SORBS2: variants seen among roughly 807,000 people sequenced by gnomAD.
SORBS2 encodes the protein sorbin and SH3 domain-containing protein 2.
SORBS2 carries 46 observed loss-of-function variants against 97.7 expected under a neutral mutation model. The observed-to-expected ratio is 0.47, with a 90% CI of 0.37 to 0.60. The LOEUF is 0.60. Among genes scored for constraint, SORBS2 ranks in the 20% least tolerant of loss-of-function variants. The pLI is 0.00. For missense variants in SORBS2, 1,316 were observed against 1,282.3 expected, an observed-to-expected ratio of 1.03 and a Z score of -0.40; for synonymous variants, 476 against 473.4, an observed-to-expected ratio of 1.01 and a Z score of -0.07.
chr4:185,811,761 G>A (rs547225227), intron 1 of SORBS2: 2 of 152,414 alleles, frequency 1.3e-5, no homozygotes. Flanking sequence ...TTAACAGGAA[G>A]CAGGTAAACC....
Position 185,698,500 on chromosome 4 carries a change from T to A in SORBS2, c.-197-19678A>T, listed in dbSNP as rs922917765. On this transcript the variant is annotated intron_variant, in intron 2 of 20. Coordinates refer to the SORBS2 transcript ENST00000284776. ...AGAGCAAGACTCCATCTCAAAAAAA[T>A]GAAACAAAACAAAACAAAACACAAA... 3.6e-4 allele frequency among the ~76,000 whole-genome samples: 53 copies of A among 147,196 alleles called. No individual in the cohort carries two copies. The Admixed American group carries it at 3.6e-3, about 10-fold the overall frequency.
intron 1 of SORBS2, among the ~76,000 whole-genome samples, chr4:185,911,053 C>T (rs1335219210): frequency 1.3e-5 from 2 of 151,918 alleles, no homozygotes; most frequent in Non-Finnish European, 2.9e-5. Flanking sequence ...GTGTTAACAA[C>T]TTCCATTTTA....
rs765108066 is a variant in SORBS2 at position 185,937,917 on chromosome 4, AGT to A, written c.-338+18277_-338+18278del. On this transcript the variant is annotated intron_variant, in intron 1 of 20. Coordinates refer to the SORBS2 transcript ENST00000284776. ...TTCTCCTCTCTGCCCCTTCAAACTC[AGT>A]GTCATCTTTGGAAATAGCAGCTCAC... Among the ~76,000 whole-genome samples the A allele has an allele frequency of 5.3e-5, 8 of 151,934 alleles. No individual in the cohort carries two copies. The South Asian group carries it at 8.3e-4, about 16-fold the overall frequency.
intron 2 of SORBS2, among the ~76,000 whole-genome samples, chr4:185,741,404 G>GTTTTTTTTTTTTTTTTTTTTTT (rs58376567): frequency 9.0e-6 from 1 of 111,664 alleles, no homozygotes; most frequent in Non-Finnish European, 1.7e-5. Context: ...TTTTTTTTTT[G>GTTTTTTTTTTTTTTTTTTTTTT]TTTTTTTTTT....
chr4:185,871,274 A>C (rs1277352041), intron 1 of SORBS2, among the ~76,000 whole-genome samples: 3 of 152,222 alleles, frequency 2.0e-5, no homozygotes, highest in African/African-American at 7.2e-5. Flanking sequence ...CGTTTCCGAG[A>C]ATACCGAGGA....
chr4:185,623,720 C>A lies in SORBS2; in HGVS notation c.1409G>T (p.Arg470Leu), dbSNP rs747145842. The change falls in exon 7 of 15, where the codon CGG becomes CTG. Residue 470 changes from arginine (R) to leucine (L), a missense_variant. Arg to Leu is a moderately radical substitution (Grantham distance 102). Transcript: ENST00000418609. The surrounding 1 kb of genome is among the most constrained non-coding windows in gnomAD (Gnocchi z 6.4). ...GTTAGACTGGCAGCCTCGCCGGCCC[C>A]GAGCGGGGGGGCCGCTTTGATTTTC... 1.9e-6 allele frequency: 3 copies of A among 1,613,938 alleles called. No individual in the cohort carries two copies. The East Asian group carries it at 6.7e-5, about 36-fold the overall frequency.
intron 1 of SORBS2, among the ~76,000 whole-genome samples, chr4:185,829,034 C>CT (rs1365235664): frequency 6.6e-5 from 10 of 152,166 alleles, no homozygotes; most frequent in Admixed American, 1.3e-4. Context: ...TGGAACTGCG[C>CT]TTTTTTTGAA....
intron 7 of SORBS2, among the ~76,000 whole-genome samples, chr4:185,620,906 T>C (rs999060221): frequency 3.3e-5 from 5 of 152,238 alleles, no homozygotes; most frequent in Non-Finnish European, 7.4e-5. Context: ...ATTATTTTTG[T>C]TCATCTTAAA....
intron 1 of SORBS2, among the ~76,000 whole-genome samples, chr4:185,792,272 T>A (rs1398221783): frequency 2.6e-5 from 4 of 152,188 alleles, no homozygotes; most frequent in African/African-American, 9.7e-5. Context: ...GATGGGAGGA[T>A]CACCTGAGGT....
chr4:185,877,883 A>AAAAAAAAAAAAAAAAAG (rs1344109012), intron 1 of SORBS2, among the ~76,000 whole-genome samples: 1 of 145,176 alleles, frequency 6.9e-6, no homozygotes, highest in Non-Finnish European at 1.5e-5. Context: ...ACAAAAAAAA[A>AAAAAAAAAAAAAAAAAG]AAAGAAAGAA....
intron 12 of SORBS2, among the ~76,000 whole-genome samples, chr4:185,603,557 TA>T (rs543355159): frequency 1.2e-3 from 184 of 152,324 alleles, no homozygotes; most frequent in African/African-American, 4.2e-3. Flanking sequence ...TTAGCTGTAT[TA>T]GAGCCCTAAA....
intron 1 of SORBS2, among the ~76,000 whole-genome samples, chr4:185,653,852 T>C (rs1174190873): frequency 6.6e-6 from 1 of 152,228 alleles, no homozygotes; most frequent in Non-Finnish European, 1.5e-5. Flanking sequence ...GGCTTGATGA[T>C]TCTGCTTATA....
At chr4:185,877,348 G>T (rs1579291108) in intron 1 of SORBS2, among the ~76,000 whole-genome samples, 1 of 152,114 alleles carries the variant, frequency 6.6e-6, no homozygotes, top group East Asian at 1.9e-4. Context: ...GTTTAATAAG[G>T]TTGCTTTTCT....
chr4:185,787,511 A>G (rs1215487485), intron 1 of SORBS2, among the ~76,000 whole-genome samples: 1 of 152,232 alleles, frequency 6.6e-6, no homozygotes, highest in Non-Finnish European at 1.5e-5. Context: ...GGCTATTTCT[A>G]TATAGCCTCT....
intron 9 of SORBS2, among the ~76,000 whole-genome samples, chr4:185,616,802 G>T (rs2096634953): frequency 1.3e-5 from 2 of 152,158 alleles, no homozygotes; most frequent in South Asian, 4.1e-4. Flanking sequence ...AGGCTGGAGT[G>T]CAGTGGTGTG....
In SORBS2 at chr4:185,606,716, C is replaced by T; in HGVS notation, c.2796+5064G>A. Reference sequence around the variant, plus strand: ...TCTTCAATGTGCAGGTGTGGGGTGCCCTCTGACCCATCGTGGCCACACCAC... The same window carrying T: ...TCTTCAATGTGCAGGTGTGGGGTGCTCTCTGACCCATCGTGGCCACACCAC... On this transcript the variant is annotated intron_variant, in intron 12 of 14. Coordinates refer to ENST00000418609, the Ensembl canonical transcript of SORBS2. The surrounding 1 kb of genome is among the most constrained non-coding windows in gnomAD (Gnocchi z 4.3). 7.1e-6 allele frequency: 7 copies of T among 985,190 alleles called. No homozygotes were observed. The highest frequency in any genetic ancestry group is 8.4e-6 in the Non-Finnish European group (7 of 829,896). 61.0% of individuals were successfully genotyped at this position (985,190 alleles called of 1,614,324 possible).
At chr4:185,861,599 A>ATTTTTTTTT (rs57354475) in intron 1 of SORBS2, among the ~76,000 whole-genome samples, 1 of 146,200 alleles carries the variant, frequency 6.8e-6, no homozygotes. Flanking sequence ...TCTGACTTCT[A>ATTTTTTTTT]TTTTTTTTTT....
intron 1 of SORBS2, among the ~76,000 whole-genome samples, chr4:185,842,881 G>A (rs2099212424): frequency 7.1e-6 from 1 of 141,726 alleles, no homozygotes; most frequent in South Asian, 2.2e-4. Flanking sequence ...GTTGCAGTGA[G>A]CCAAGATCAC....
At chr4:185,894,170 T>G (rs937309708) in intron 1 of SORBS2, 1 of 152,154 alleles carries the variant, frequency 6.6e-6, no homozygotes, top group African/African-American at 2.4e-5. Flanking sequence ...GAAATATGCA[T>G]GTTTTAAAAG....
Sources: gnomAD v4.1 joint callset for allele counts (sites outside exome capture counted in the v4.1 genomes callset) on GRCh38, gnomAD v4.1.1 for gene constraint, Gnocchi (gnomAD v3.1) non-coding constraint, MANE v1.5 for transcripts, NCBI Gene and HGNC (gene_info 2026-07-23, HGNC 2026-07-21) for gene names.